The following UGGT2 variants were observed in gnomAD, a reference collection of about 807,000 sequenced individuals.
UGGT2 encodes the protein UDP-glucose:glycoprotein glucosyltransferase 2.
UGGT2 carries 180 observed loss-of-function variants against 192.1 expected under a neutral mutation model. The ratio of observed to expected loss-of-function variants is 0.94; its 90% CI spans 0.83 to 1.06. The LOEUF (loss-of-function observed/expected upper bound fraction) is 1.06. UGGT2 is among the 50% of genes least tolerant of loss of function. The pLI is 0.00. For synonymous variants in UGGT2, 580 were observed against 591.0 expected (o/e 0.98, Z 0.27); for missense variants, 1,849 against 1,795.7 (o/e 1.03, Z -0.54).
chr13:95,879,759 A>G (rs2047440251), intron 27 of UGGT2, among the ~76,000 whole-genome samples: 1 of 152,216 alleles, frequency 6.6e-6, no homozygotes, highest in African/African-American at 2.4e-5. Context: ...TTTAGCAAAA[A>G]TATGAAAGTT....
At chr13:95,911,351 G>C (rs1397469745) in intron 20 of UGGT2, among the ~76,000 whole-genome samples, 1 of 152,108 alleles carries the variant, frequency 6.6e-6, no homozygotes, top group Non-Finnish European at 1.5e-5. Flanking sequence ...GACTAATAAA[G>C]AAGAAAAGAA....
At chr13:95,978,551 T>C (rs765991398) in intron 10 of UGGT2, among the ~76,000 whole-genome samples, 2 of 152,186 alleles carry the variant, frequency 1.3e-5, no homozygotes, top group Non-Finnish European at 2.9e-5. Flanking sequence ...TTTGTCCAAA[T>C]TGCTTTGGTT....
chr13:96,003,014 T>C (rs565851), intron 5 of UGGT2, among the ~76,000 whole-genome samples: 115,025 of 152,004 alleles, frequency 0.76, 44,612 homozygotes, highest in Non-Finnish European at 0.84. Flanking sequence ...CAGAGTTCCT[T>C]AGCTGCGGTG....
At chr13:96,021,022 T>G (rs2052499251) in intron 4 of UGGT2, among the ~76,000 whole-genome samples, 1 of 152,198 alleles carries the variant, frequency 6.6e-6, no homozygotes, top group South Asian at 2.1e-4. Flanking sequence ...CTTAGATGGA[T>G]CCTACAGAGT....
At chr13:95,866,131 T>G (rs1215705944) in intron 30 of UGGT2, among the ~76,000 whole-genome samples, 1 of 152,156 alleles carries the variant, frequency 6.6e-6, no homozygotes, top group East Asian at 1.9e-4. Flanking sequence ...CTCCCCCAAC[T>G]TGCTAATTTT....
chr13:95,871,924 T>C (rs138862380), intron 29 of UGGT2, among the ~76,000 whole-genome samples: 1 of 152,304 alleles, frequency 6.6e-6, no homozygotes, highest in Non-Finnish European at 1.5e-5. Flanking sequence ...CTCGAGTACC[T>C]GCGGAGAAAG....
At chr13:95,895,132 C>G (rs781434959) in intron 23 of UGGT2, 48 bp downstream of exon 23, 9 of 1,532,876 alleles carry the variant, frequency 5.9e-6, no homozygotes, top group Middle Eastern at 1.7e-4. Flanking sequence ...ACATTAGACT[C>G]AAAATACCAA....
chr13:95,837,229 G>C (rs371328136), intron 36 of UGGT2, 27 bp from the exon 37 acceptor site: 28 of 1,511,954 alleles, frequency 1.9e-5, no homozygotes, highest in Non-Finnish European at 2.5e-5. Flanking sequence ...TTTAATCATA[G>C]ACGTATGAAA....
At chr13:96,015,739 A>G (rs2052316496) in intron 4 of UGGT2, among the ~76,000 whole-genome samples, 1 of 152,236 alleles carries the variant, frequency 6.6e-6, no homozygotes. Context: ...ACATGTACTT[A>G]CCTAGAGATT....
At chr13:95,963,961 A>C (rs1388656150) in intron 12 of UGGT2, among the ~76,000 whole-genome samples, 1 of 152,164 alleles carries the variant, frequency 6.6e-6, no homozygotes, top group East Asian at 1.9e-4. Context: ...CTCTATTAAG[A>C]TATCATCATT....
chr13:95,812,886 T>G (rs1884648576), intron 38 of UGGT2, among the ~76,000 whole-genome samples: 2 of 152,180 alleles, frequency 1.3e-5, no homozygotes, highest in African/African-American at 4.8e-5. Flanking sequence ...TAAAGCTGAT[T>G]GCCGTGATGG....
intron 10 of UGGT2, among the ~76,000 whole-genome samples, chr13:95,975,509 A>C (rs969570261): frequency 3.9e-5 from 6 of 152,198 alleles, no homozygotes; most frequent in African/African-American, 1.4e-4. Context: ...TAGTCCAAAA[A>C]ACTTAGATTT....
intron 30 of UGGT2, 146 bp downstream of exon 30, chr13:95,867,193 C>CT: frequency 4.2e-6 from 3 of 714,806 alleles, no homozygotes; most frequent in Non-Finnish European, 6.6e-6. Flanking sequence ...TAATCCTCTT[C>CT]TTTTTTTACT....
intron 27 of UGGT2, among the ~76,000 whole-genome samples, chr13:95,881,108 A>G (rs1043258270): frequency 5.9e-5 from 9 of 152,146 alleles, no homozygotes; most frequent in African/African-American, 2.2e-4. Flanking sequence ...CGGGAGGCTG[A>G]GCTTGCAGTG....
chr13:96,028,610 A>AT (rs1215995048), intron 2 of UGGT2, among the ~76,000 whole-genome samples: 1 of 152,224 alleles, frequency 6.6e-6, no homozygotes, highest in Non-Finnish European at 1.5e-5. Flanking sequence ...TTGCTTAAAA[A>AT]GTCTTAATTT....
At chr13:95,902,632 G>GA (rs2140291568) in intron 21 of UGGT2, among the ~76,000 whole-genome samples, 1 of 151,622 alleles carries the variant, frequency 6.6e-6, no homozygotes, top group East Asian at 1.9e-4. Context: ...TCAACTTTAA[G>GA]AATCATGAAG....
At chr13:95,873,950 G>A (rs550595327) in intron 29 of UGGT2, among the ~76,000 whole-genome samples, 131 of 152,218 alleles carry the variant, frequency 8.6e-4, no homozygotes, top group Non-Finnish European at 5.9e-4. Flanking sequence ...CATCCACCAG[G>A]TAAACGAAGT....
chr13:96,021,331 A>G (rs1263486714), intron 4 of UGGT2, among the ~76,000 whole-genome samples: 3 of 152,212 alleles, frequency 2.0e-5, no homozygotes, highest in Non-Finnish European at 2.9e-5. Context: ...TTTAGTTTCT[A>G]TAATTATAAA....
chr13:95,859,502 GAA>G, intron 33 of UGGT2, 87 bp downstream of exon 33: 2 of 1,092,882 alleles, frequency 1.8e-6, no homozygotes, highest in Non-Finnish European at 2.6e-6. Context: ...AGCTTATTCT[GAA>G]AAGAGAAATA....
Sources: gnomAD v4.1 joint callset for allele counts (sites outside exome capture counted in the v4.1 genomes callset) on GRCh38, gnomAD v4.1.1 for gene constraint, MANE v1.5 for transcripts, NCBI Gene and HGNC (gene_info 2026-07-23, HGNC 2026-07-21) for gene names.